SLC16A7: variants seen among roughly 807,000 people sequenced by gnomAD.
SLC16A7 encodes the protein monocarboxylate transporter 2.
SLC16A7 carries 33 observed loss-of-function variants against 34.9 expected under a neutral mutation model. That is an observed-to-expected ratio of 0.94 (90% CI 0.72 to 1.26). The LOEUF (loss-of-function observed/expected upper bound fraction) is 1.26. Ranked by LOEUF, SLC16A7 falls within the 50% of genes most tolerant of loss-of-function variation. The pLI is 0.00. For missense variants in SLC16A7, 573 were observed against 578.1 expected (o/e 0.99, Z 0.09); for synonymous variants, 201 against 206.6 (o/e 0.97, Z 0.23).
In SLC16A7 at chr12:59,766,673, C is replaced by G. The variant is rs369382213; in HGVS notation, c.218-4546C>G. On this transcript the variant is annotated intron_variant, in intron 3 of 5. Coordinates refer to ENST00000547379, the MANE Select transcript of SLC16A7 (RefSeq NM_001270623.2). ...TGTTGAACCAGCCTTGCATCCCAGG[C>G]ATGAAGCCCACTTGATCATGGTGGA... Among the ~76,000 whole-genome samples the G allele has an allele frequency of 2.3e-3, 355 of 152,198 alleles. 3 individuals are homozygous for G. The highest frequency in any genetic ancestry group is 0.02 in the South Asian group (98 of 4,814).
intron 5 of SLC16A7, among the ~76,000 whole-genome samples, chr12:59,778,691 CCTTAA>C (rs1882992251): frequency 1.4e-5 from 2 of 141,870 alleles, no homozygotes; most frequent in Non-Finnish European, 3.2e-5. Flanking sequence ...ATTAGTTTCA[CCTTAA>C]TAATTTAGAC....
At chr12:59,761,306 G>T (rs1880989631) in intron 3 of SLC16A7, 3 of 402,986 alleles carry the variant, frequency 7.4e-6, no homozygotes, top group South Asian at 4.6e-5. Flanking sequence ...CTGATGGTTA[G>T]GTTTCTAACT....
intron 5 of SLC16A7, among the ~76,000 whole-genome samples, chr12:59,777,785 T>C (rs535607494): frequency 9.1e-4 from 136 of 148,900 alleles, no homozygotes; most frequent in Non-Finnish European, 1.5e-3. Flanking sequence ...GTATATCTCC[T>C]AAAGCTATCC....
At chr12:59,611,629 C>G (rs770160532) in intron 1 of SLC16A7, among the ~76,000 whole-genome samples, 7 of 152,144 alleles carry the variant, frequency 4.6e-5, no homozygotes. Context: ...AAGTCCAAGT[C>G]CAAAGTTTCA....
At position 59,674,004 on chromosome 12, in the gene SLC16A7, CA is replaced by C. The variant is rs573743792; in HGVS notation, c.-31+18756del. Among the ~76,000 whole-genome samples, 694 of 152,216 alleles carry C rather than the reference CA, an allele frequency of 4.6e-3. 1 individual carries two copies. The highest frequency in any genetic ancestry group is 7.5e-3 in the Non-Finnish European group (510 of 67,976). On this transcript the variant is annotated intron_variant, in intron 2 of 5. Transcript: ENST00000547379. The stretch of plus-strand genomic sequence containing the variant: ...TCTGATTTAGTTATACTGCCTTATA[CA>C]ATAGTTATTACTATAGAGCAGCTTT...
intron 1 of SLC16A7, among the ~76,000 whole-genome samples, chr12:59,627,561 G>A (rs1375530857): frequency 6.6e-6 from 1 of 151,764 alleles, no homozygotes; most frequent in Non-Finnish European, 1.5e-5. Context: ...TGCCCACAAA[G>A]CTTCAGAGGA....
chr12:59,747,618 T>C (rs1879032290), intron 3 of SLC16A7, among the ~76,000 whole-genome samples: 1 of 152,188 alleles, frequency 6.6e-6, no homozygotes, highest in Non-Finnish European at 1.5e-5. Flanking sequence ...TGCAATTGTC[T>C]AGCTCACACT....
Position 59,772,448 on chromosome 12 carries a change from T to C in SLC16A7, c.361+1086T>C, listed in dbSNP as rs540233303. ...AAGTAGGGAAAAGATGATTTTGTTA[T>C]TTCCTTCACTACAGATATCAATGGC... On this transcript the variant is annotated intron_variant, in intron 4 of 5. Transcript: ENST00000547379. Among the ~76,000 whole-genome samples, 7 of 152,260 alleles carry C rather than the reference T, an allele frequency of 4.6e-5. No individual in the cohort carries two copies. In the South Asian group the frequency reaches 1.2e-3, roughly 27 times the overall value.
chr12:59,666,747 C>A (rs2137038405), intron 2 of SLC16A7, among the ~76,000 whole-genome samples: 1 of 152,208 alleles, frequency 6.6e-6, no homozygotes, highest in East Asian at 1.9e-4. Context: ...AAACCTTTTT[C>A]CTTTATAAGT....
At chr12:59,636,112 G>A (rs1478637207) in intron 1 of SLC16A7, among the ~76,000 whole-genome samples, 2 of 150,990 alleles carry the variant, frequency 1.3e-5, no homozygotes, top group African/African-American at 2.4e-5. Context: ...TTCAAATAAA[G>A]CAAACTTAGG....
intron 3 of SLC16A7, among the ~76,000 whole-genome samples, chr12:59,744,108 G>A (rs1878628212): frequency 6.6e-6 from 1 of 152,198 alleles, no homozygotes; most frequent in Non-Finnish European, 1.5e-5. Flanking sequence ...GGGACTGGAG[G>A]CAGGGAAATT....
At chr12:59,732,368 C>G (rs932548383) in intron 3 of SLC16A7, among the ~76,000 whole-genome samples, 1 of 152,036 alleles carries the variant, frequency 6.6e-6, no homozygotes, top group Non-Finnish European at 1.5e-5. Flanking sequence ...TGAAGTGAGC[C>G]GAGATCGCGC....
chr12:59,721,399 C>G (rs992340550), intron 3 of SLC16A7, among the ~76,000 whole-genome samples: 1 of 151,910 alleles, frequency 6.6e-6, no homozygotes, highest in Admixed American at 6.6e-5. Flanking sequence ...CCTTTCTCAC[C>G]CCCTCAACTA....
chr12:59,747,333 AAAC>A (rs1241055776), intron 3 of SLC16A7, among the ~76,000 whole-genome samples: 1 of 152,266 alleles, frequency 6.6e-6, no homozygotes, highest in Non-Finnish European at 1.5e-5. Flanking sequence ...AAATAACTCT[AAAC>A]AACAACGAAA....
At chr12:59,743,716 AC>A (rs1878583945) in intron 3 of SLC16A7, among the ~76,000 whole-genome samples, 1 of 152,244 alleles carries the variant, frequency 6.6e-6, no homozygotes, top group African/African-American at 2.4e-5. Context: ...TACAATTGAT[AC>A]ATAAATTTTC....
chr12:59,639,792 T>G (rs1880593818), intron 1 of SLC16A7, among the ~76,000 whole-genome samples: 1 of 152,184 alleles, frequency 6.6e-6, no homozygotes, highest in Non-Finnish European at 1.5e-5. Flanking sequence ...AATGAGTGTC[T>G]TACAATTTAA....
At chr12:59,684,877 G>T (rs955557567) in intron 2 of SLC16A7, among the ~76,000 whole-genome samples, 1 of 152,058 alleles carries the variant, frequency 6.6e-6, no homozygotes, top group Non-Finnish European at 1.5e-5. Context: ...AGGTCTTTAG[G>T]GGGAGGCAAA....
chr12:59,657,061 G>C (rs1452766932), intron 2 of SLC16A7, among the ~76,000 whole-genome samples: 3 of 151,722 alleles, frequency 2.0e-5, no homozygotes, highest in African/African-American at 4.8e-5. Context: ...ATTAATACTT[G>C]GCATATTGTA....
At chr12:59,671,873 G>GTA (rs1555167586) in intron 2 of SLC16A7, among the ~76,000 whole-genome samples, 1 of 79,810 alleles carries the variant, frequency 1.3e-5, no homozygotes, top group African/African-American at 6.3e-5. Flanking sequence ...GTATATATGT[G>GTA]TATATATGTA....
Sources: gnomAD v4.1 joint callset for allele counts (sites outside exome capture counted in the v4.1 genomes callset) on GRCh38, gnomAD v4.1.1 for gene constraint, MANE v1.5 for transcripts, NCBI Gene and HGNC (gene_info 2026-07-23, HGNC 2026-07-21) for gene names.